Variants in FEZ1 observed in about 807,000 individuals in gnomAD.
The protein encoded by FEZ1 is fasciculation and elongation protein zeta-1.
A neutral mutation model predicts 49.3 loss-of-function variants in FEZ1; 20 were observed. The observed-to-expected ratio is 0.41, with a 90% CI of 0.29 to 0.59. The LOEUF (loss-of-function observed/expected upper bound fraction) is 0.59. Ranked by LOEUF, FEZ1 falls within the 20% of genes least tolerant of loss-of-function variation. The pLI is 0.36. For synonymous variants in FEZ1, 170 were observed against 180.9 expected (o/e 0.94, Z 0.48); for missense variants, 413 against 476.0 (o/e 0.87, Z 1.23).
At chr11:125,465,741 AC>A in intron 3 of FEZ1, among the ~76,000 whole-genome samples, 1 of 151,930 alleles carries the variant, frequency 6.6e-6, no homozygotes. Flanking sequence ...GGGCTTCCCC[AC>A]CTCCATCGTG....
At chr11:125,452,843 G>T (rs900276167) in intron 7 of FEZ1, 5 of 157,516 alleles carry the variant, frequency 3.2e-5, no homozygotes, top group African/African-American at 1.2e-4. Flanking sequence ...CCCTCTGCTG[G>T]ATGTCAGGTG....
At chr11:125,454,066 T>G in intron 7 of FEZ1, 64 bp downstream of exon 7, 25 of 1,120,164 alleles carry the variant, frequency 2.2e-5, no homozygotes, top group Non-Finnish European at 3.0e-5. Context: ...TCCCCCTGCG[T>G]TGCTGGGGAG....
chr11:125,474,544 A>G (rs1471781116), intron 3 of FEZ1, among the ~76,000 whole-genome samples: 1 of 152,228 alleles, frequency 6.6e-6, no homozygotes, highest in Non-Finnish European at 1.5e-5. Context: ...AGACTAGGAG[A>G]AAATATTTGT....
chr11:125,492,613 C>T (rs1221862068), intron 1 of FEZ1, among the ~76,000 whole-genome samples: 2 of 152,166 alleles, frequency 1.3e-5, no homozygotes, highest in Non-Finnish European at 2.9e-5. Flanking sequence ...GGGTTCCTGT[C>T]CTGGTCCTGT....
At chr11:125,451,230 T>A (rs1404566205) in intron 8 of FEZ1, among the ~76,000 whole-genome samples, 1 of 152,230 alleles carries the variant, frequency 6.6e-6, no homozygotes, top group Non-Finnish European at 1.5e-5. Flanking sequence ...TTAGTGCATA[T>A]TTATGCAAAT....
At chr11:125,488,717 C>G (rs1957352856) in intron 2 of FEZ1, 1 of 983,850 alleles carries the variant, frequency 1.0e-6, no homozygotes, top group Middle Eastern at 5.2e-4. Context: ...AAAAACACAT[C>G]CCCCGAGGAT....
chr11:125,481,711 A>C, intron 2 of FEZ1, 78 bp from the exon 3 acceptor site: 1 of 955,272 alleles, frequency 1.0e-6, no homozygotes, highest in Non-Finnish European at 1.7e-6. Flanking sequence ...CTGGGCCGGG[A>C]GAGGAGAGAG....
chr11:125,459,067 A>G (rs1206553307), intron 5 of FEZ1, among the ~76,000 whole-genome samples: 2 of 152,006 alleles, frequency 1.3e-5, no homozygotes, highest in African/African-American at 2.4e-5. Flanking sequence ...CTCTGTCTCA[A>G]AAAAAAGAAG....
Position 125,495,800 on chromosome 11 carries a change from ACACACACACACACACAC to A in FEZ1, c.-46+304_-46+320del. The A allele has an allele frequency of 7.1e-4, 1 of 1,410 alleles. No homozygotes were observed. The highest frequency in any genetic ancestry group is 1.9e-3 in the Non-Finnish European group (1 of 526). 0.1% of individuals were successfully genotyped at this position (1,410 alleles called of 1,614,324 possible). A position where few individuals can be genotyped will look rare whatever the true frequency, so the allele number is the denominator to read the frequency against. Reference sequence around the variant, plus strand: ...CACACACGCGGGCACACACACGCGGACACACACACACACACACACACACACACACACACACCAGGCCT... The same window carrying A: ...CACACACGCGGGCACACACACGCGGAACACACACACACACACACCAGGCCT... On this transcript the variant is annotated intron_variant, in intron 1 of 9. Transcript: ENST00000278919. The surrounding 1 kb of genome is among the most constrained non-coding windows in gnomAD (Gnocchi z 4.2).
chr11:125,468,262 C>T (rs1240310466), intron 3 of FEZ1, among the ~76,000 whole-genome samples: 1 of 152,088 alleles, frequency 6.6e-6, no homozygotes, highest in African/African-American at 2.4e-5. Flanking sequence ...ACTGCAGCCT[C>T]CCTTTCCTGG....
chr11:125,489,549 A>C lies in FEZ1; in HGVS notation c.229T>G (p.Tyr77Asp). 6.2e-7 allele frequency: 1 copy of C among 1,614,150 alleles called. No homozygotes were observed. The highest frequency in any genetic ancestry group is 1.1e-5 in the South Asian group (1 of 91,066). Residue 77 changes from tyrosine to aspartate, a missense_variant, in exon 2 of 10, where the codon TAC (tyrosine) becomes GAC (aspartate). Physicochemically the swap from Tyr to Asp is radical, Grantham distance 160 (BLOSUM62 -3). Transcript: ENST00000278919. This position sits in a 1 kb window ranked among gnomAD's most constrained non-coding sequence, Gnocchi z 4.2. ...GCTAGGTTCTCGGTCTTGGCGTTGT[A>C]GTTCCGAAAGCAGACATTGAGCTTC... ...DEKLNVCFRN[Y>D]NAKTENLAPV...
At chr11:125,449,851 T>C (rs2135736428) in intron 8 of FEZ1, among the ~76,000 whole-genome samples, 1 of 152,238 alleles carries the variant, frequency 6.6e-6, no homozygotes, top group South Asian at 2.1e-4. Flanking sequence ...ATCCAAGAAT[T>C]AGGAGTGAGT....
chr11:125,445,967 T>C lies in FEZ1; in HGVS notation c.*128A>G. ...GCAAAGGACCCCGCGCGCTTGCTCG[T>C]GTTTAATCCAGGTTAAGCTATACAC... On this transcript the variant is annotated 3_prime_UTR_variant, in exon 10 of 10. Coordinates refer to ENST00000278919, the MANE Select transcript of FEZ1 (RefSeq NM_005103.5). The surrounding 1 kb of genome is among the most constrained non-coding windows in gnomAD (Gnocchi z 4.4). 2 of 974,392 alleles carry C rather than the reference T, an allele frequency of 2.1e-6. No individual in the cohort carries two copies. Among genetic ancestry groups the C allele is most frequent in the East Asian group, 2.4e-5 (1 of 40,866 alleles). 60.4% of individuals were successfully genotyped at this position (974,392 alleles called of 1,614,324 possible). A position where few individuals can be genotyped will look rare whatever the true frequency, so the allele number is the denominator to read the frequency against.
At chr11:125,479,201 T>C (rs1957258421) in intron 3 of FEZ1, among the ~76,000 whole-genome samples, 1 of 152,152 alleles carries the variant, frequency 6.6e-6, no homozygotes, top group South Asian at 2.1e-4. Flanking sequence ...TGCTAATTAC[T>C]AGAAAAATGG....
intron 2 of FEZ1, among the ~76,000 whole-genome samples, chr11:125,482,188 G>T (rs1322007930): frequency 6.6e-6 from 1 of 152,156 alleles, no homozygotes; most frequent in African/African-American, 2.4e-5. Flanking sequence ...TTCCCTCCTT[G>T]ACATCTAATG....
chr11:125,446,508 G>A (rs1378170945), intron 9 of FEZ1, among the ~76,000 whole-genome samples: 1 of 152,162 alleles, frequency 6.6e-6, no homozygotes, highest in Non-Finnish European at 1.5e-5. Context: ...GGCTCGTGAG[G>A]GGTAAAGTCC....
At chr11:125,467,781 A>G (rs560764382) in intron 3 of FEZ1, among the ~76,000 whole-genome samples, 1 of 152,318 alleles carries the variant, frequency 6.6e-6, no homozygotes, top group East Asian at 1.9e-4. Flanking sequence ...TGGAGGCTGT[A>G]GTGAGCCATG....
chr11:125,491,018 T>C (rs372458147), intron 1 of FEZ1, among the ~76,000 whole-genome samples: 2 of 152,128 alleles, frequency 1.3e-5, no homozygotes, highest in African/African-American at 4.8e-5. Context: ...CCTCCCAAAG[T>C]TCTGGGATTA....
chr11:125,481,669 TG>T, intron 2 of FEZ1, 36 bp from the exon 3 acceptor site: 2 of 1,438,578 alleles, frequency 1.4e-6, no homozygotes, highest in Non-Finnish European at 2.0e-6. Context: ...AACACACATC[TG>T]TGGCCTGGCC....
Sources: allele counts gnomAD v4.1 joint callset (sites outside exome capture counted in the v4.1 genomes callset), GRCh38; gene constraint gnomAD v4.1.1; non-coding constraint Gnocchi (gnomAD v3.1); transcripts MANE v1.5; gene names NCBI Gene and HGNC (gene_info 2026-07-23, HGNC 2026-07-21).